The following RBFOX1 variants were observed in gnomAD, a reference collection of about 807,000 sequenced individuals.
The protein encoded by RBFOX1 is RNA binding fox-1 homolog 1, also known as RNA binding protein fox-1 homolog 1.
Under a neutral mutation model 57.7 loss-of-function variants are expected in RBFOX1, and 8 were observed. The ratio of observed to expected loss-of-function variants is 0.14; its 90% CI spans 0.08 to 0.25. The LOEUF (loss-of-function observed/expected upper bound fraction) is 0.25, where lower values mean the gene tolerates loss of function less well. Among genes scored for constraint, RBFOX1 ranks in the 10% least tolerant of loss-of-function variants. RBFOX1 has a pLI of 1.00. For missense variants in RBFOX1, 611 were observed against 548.5 expected (o/e 1.11, Z -1.14); for synonymous variants, 326 against 222.4 (o/e 1.47, Z -4.15).
chr16:6,502,295 A>G (rs1041104938), intron 2 of RBFOX1, among the ~76,000 whole-genome samples: 6 of 152,240 alleles, frequency 3.9e-5, no homozygotes, highest in African/African-American at 1.2e-4. Context: ...CCCCTGATCT[A>G]CCTGGCATGC....
At chr16:6,949,284 T>G (rs1471701715) in intron 3 of RBFOX1, among the ~76,000 whole-genome samples, 1 of 152,076 alleles carries the variant, frequency 6.6e-6, no homozygotes. Flanking sequence ...AACAAACCCA[T>G]AAAGGGAGAA....
At chr16:6,623,538 C>T (rs565171201) in intron 2 of RBFOX1, among the ~76,000 whole-genome samples, 1 of 151,940 alleles carries the variant, frequency 6.6e-6, no homozygotes, top group South Asian at 2.1e-4. Context: ...TGGTGTGCTG[C>T]ACTCATTAAC....
intron 4 of RBFOX1, among the ~76,000 whole-genome samples, chr16:7,360,787 C>G (rs1330513833): frequency 2.0e-5 from 3 of 152,196 alleles, no homozygotes; most frequent in African/African-American, 7.2e-5. Flanking sequence ...CTTCTTTTCA[C>G]TTTGCCTTTC....
At chr16:6,973,539 G>C (rs530053795) in intron 3 of RBFOX1, among the ~76,000 whole-genome samples, 1 of 152,268 alleles carries the variant, frequency 6.6e-6, no homozygotes, top group African/African-American at 2.4e-5. Flanking sequence ...TGATTTTTCA[G>C]CTTCTGTTTG....
At position 7,653,891 on chromosome 16, in the gene RBFOX1, C is replaced by T. The variant is rs750881123; in HGVS notation, c.834C>T (p.Thr278=). 1.9e-6 allele frequency: 3 copies of T among 1,600,602 alleles called. No individual in the cohort carries two copies. Among genetic ancestry groups the T allele is most frequent in the South Asian group, 1.1e-5 (1 of 90,858 alleles). The change falls in exon 12 of 16, where the codon ACC becomes ACT. Residue 278 remains threonine, a synonymous_variant. Coordinates refer to ENST00000550418, the MANE Select transcript of RBFOX1 (RefSeq NM_018723.4). ...CGCACCTGCGAGGCCGCGGTCGCAC[C>T]GTGTACAACACCTTCAGGGCCGCGG... ...RGAHLRGRGR[T]VYNTFRAAAP...
chr16:6,896,985 C>G (rs535603579), intron 3 of RBFOX1, among the ~76,000 whole-genome samples: 1 of 152,192 alleles, frequency 6.6e-6, no homozygotes, highest in Admixed American at 6.5e-5. Context: ...AAGGAAATGT[C>G]GTGGCTAACA....
intron 6 of RBFOX1, among the ~76,000 whole-genome samples, chr16:7,585,213 G>C (rs971833312): frequency 6.6e-6 from 1 of 152,130 alleles, no homozygotes; most frequent in Non-Finnish European, 1.5e-5. Context: ...TCACAAAACT[G>C]GAGGTTTCTT....
chr16:6,151,348 C>T (rs753821854), intron 1 of RBFOX1, among the ~76,000 whole-genome samples: 2 of 152,102 alleles, frequency 1.3e-5, no homozygotes, highest in Admixed American at 1.3e-4. Context: ...TGCAGTGGCA[C>T]GATCTCGGCT....
chr16:5,903,368 C>A (rs1338778254), intron 4 of RBFOX1, among the ~76,000 whole-genome samples: 1 of 152,182 alleles, frequency 6.6e-6, no homozygotes, highest in Non-Finnish European at 1.5e-5. Flanking sequence ...TATGCCTATT[C>A]TTCCTGACAC....
chr16:7,120,231 A>G (rs549843556), intron 4 of RBFOX1, among the ~76,000 whole-genome samples: 14 of 152,088 alleles, frequency 9.2e-5, no homozygotes, highest in Non-Finnish European at 1.6e-4. Flanking sequence ...CTATTAGAGA[A>G]TAAGAACGTT....
intron 1 of RBFOX1, among the ~76,000 whole-genome samples, chr16:5,329,796 G>A (rs1313852945): frequency 2.6e-5 from 4 of 152,080 alleles, no homozygotes; most frequent in African/African-American, 4.8e-5. Flanking sequence ...TCAGGAGATC[G>A]AGACCATCCT....
At chr16:6,670,192 T>C (rs2098755490) in intron 3 of RBFOX1, among the ~76,000 whole-genome samples, 1 of 151,602 alleles carries the variant, frequency 6.6e-6, no homozygotes, top group African/African-American at 2.4e-5. Context: ...GCTTCCCAAG[T>C]AGCTGGAACC....
chr16:6,095,115 C>T (rs1325109123), intron 1 of RBFOX1, among the ~76,000 whole-genome samples: 4 of 152,162 alleles, frequency 2.6e-5, no homozygotes, highest in Non-Finnish European at 1.5e-5. Context: ...GATTCCTTAG[C>T]ACCTAATAAG....
intron 1 of RBFOX1, among the ~76,000 whole-genome samples, chr16:6,053,398 A>C (rs2095576860): frequency 6.6e-6 from 1 of 152,112 alleles, no homozygotes; most frequent in African/African-American, 2.4e-5. Context: ...GACAGAGGGG[A>C]GAAAGGGGAT....
In RBFOX1 at chr16:7,688,280, A is replaced by G. The variant is rs60131918; in HGVS notation, c.995+11442A>G. Among the ~76,000 whole-genome samples, 897 of 150,084 alleles carry G rather than the reference A, an allele frequency of 6.0e-3. 14 individuals are homozygous for G. The highest frequency in any genetic ancestry group is 0.02 in the African/African-American group (818 of 40,628). ...GTGTGTGAGAGAGAGAGAGAGAGAGAGAGATTCAATATTCATAGCATTGGA... is the reference window on the plus strand; with the variant it reads ...GTGTGTGAGAGAGAGAGAGAGAGAGGGAGATTCAATATTCATAGCATTGGA... On this transcript the variant is annotated intron_variant, in intron 14 of 15. Coordinates refer to ENST00000550418, the MANE Select transcript of RBFOX1 (RefSeq NM_018723.4).
At chr16:6,796,784 T>C (rs1386557290) in intron 3 of RBFOX1, among the ~76,000 whole-genome samples, 1 of 152,216 alleles carries the variant, frequency 6.6e-6, no homozygotes, top group Admixed American at 6.5e-5. Context: ...TTCCAACTTC[T>C]TCTATGTCCC....
intron 4 of RBFOX1, among the ~76,000 whole-genome samples, chr16:5,929,033 TAAAA>T (rs3041579): frequency 2.4e-5 from 3 of 127,058 alleles, no homozygotes; most frequent in Admixed American, 8.1e-5. Context: ...CTTTCCAATT[TAAAA>T]AAAAAAAAAA....
chr16:6,993,204 T>C (rs974739875), intron 3 of RBFOX1, among the ~76,000 whole-genome samples: 1 of 151,028 alleles, frequency 6.6e-6, no homozygotes, highest in Non-Finnish European at 1.5e-5. Context: ...CTGAATGGTA[T>C]TGATAGCTGT....
intron 4 of RBFOX1, among the ~76,000 whole-genome samples, chr16:7,468,725 T>C (rs2060987368): frequency 6.6e-6 from 1 of 152,120 alleles, no homozygotes. Context: ...GCAGGAGGTC[T>C]GGGGTCAGCC....
Sources: allele counts gnomAD v4.1 joint callset (sites outside exome capture counted in the v4.1 genomes callset), GRCh38; gene constraint gnomAD v4.1.1; transcripts MANE v1.5; gene names NCBI Gene and HGNC (gene_info 2026-07-23, HGNC 2026-07-21).